Variants in MMP28 observed in about 807,000 individuals in gnomAD.
MMP28 encodes the protein matrix metallopeptidase 28, also known as matrix metalloproteinase-28.
In MMP28, 55 loss-of-function variants were observed where a neutral mutation model predicts 60.5. That is an observed-to-expected ratio of 0.91 (90% CI 0.73 to 1.14). The LOEUF is 1.14. MMP28 is among the 50% of genes most tolerant of loss of function. The pLI is 0.00. For missense variants in MMP28, 686 were observed against 738.3 expected, an observed-to-expected ratio of 0.93 and a Z score of 0.82; for synonymous variants, 318 against 312.5, an observed-to-expected ratio of 1.02 and a Z score of -0.18.
intron 5 of MMP28, 84 bp downstream of exon 5, chr17:35,769,983 C>T: frequency 6.9e-7 from 1 of 1,444,266 alleles, no homozygotes; most frequent in Non-Finnish European, 9.1e-7. Context: ...GATGGGAAAT[C>T]CTATTTGCAG....
chr17:35,766,718 CCACTT>C lies in MMP28; in HGVS notation c.1340_1344del (p.Gln447ArgfsTer16). On this transcript the variant is annotated frameshift_variant, in exon 8 of 8. Coordinates refer to ENST00000605424, the MANE Select transcript of MMP28 (RefSeq NM_024302.5). LOFTEE classifies it high-confidence loss of function. This position sits in a 1 kb window ranked among gnomAD's most constrained non-coding sequence, Gnocchi z 4.3. ...TGCAGACTTCGGGGGTAGTAGGGCT[CCACTT>C]GCAGTCCCCCTCGGGCCAGCACGTA... 1 of 1,601,510 alleles carries C rather than the reference CCACTT, an allele frequency of 6.2e-7. No individual in the cohort carries two copies. Among genetic ancestry groups the C allele is most frequent in the Non-Finnish European group, 8.5e-7 (1 of 1,174,672 alleles).
chr17:35,760,830 C>T (rs1041416851), intron 2 of MMP28: 1 of 1,310,544 alleles, frequency 7.6e-7, no homozygotes, highest in Admixed American at 1.9e-5. Flanking sequence ...TCTAGCCCCA[C>T]CCCTTGTGAC....
At chr17:35,779,099 G>T in intron 2 of MMP28, 24 bp from the exon 3 acceptor site, 3 of 1,609,856 alleles carry the variant, frequency 1.9e-6, no homozygotes, top group Non-Finnish European at 2.5e-6. Context: ...AGGACCGCAA[G>T]GGGAGGGTGA....
intron 1 of MMP28, among the ~76,000 whole-genome samples, chr17:35,789,420 T>G (rs2086745656): frequency 6.6e-6 from 1 of 152,248 alleles, no homozygotes; most frequent in Admixed American, 6.5e-5. Context: ...TTATTATTTC[T>G]TTCTTTCCTG....
intron 3 of MMP28, 194 bp downstream of exon 3, chr17:35,778,694 G>T (rs2086403921): frequency 7.9e-7 from 1 of 1,263,242 alleles, no homozygotes. Context: ...CATCAATGTA[G>T]GTGTCATTCT....
intron 1 of MMP28, among the ~76,000 whole-genome samples, chr17:35,794,161 G>A (rs1439652508): frequency 6.6e-6 from 1 of 151,712 alleles, no homozygotes; most frequent in South Asian, 2.1e-4. Context: ...GACCCTGGCC[G>A]TATTCTTGAG....
Position 35,768,311 on chromosome 17 carries a change from C to T in MMP28, c.919G>A (p.Asp307Asn). The T allele has an allele frequency of 6.2e-7, 1 of 1,613,432 alleles. No individual in the cohort carries two copies. Among genetic ancestry groups the T allele is most frequent in the South Asian group, 1.1e-5 (1 of 91,060 alleles). The change falls in exon 6 of 8, where the codon GAC becomes AAC. Residue 307 changes from aspartate to asparagine, a missense_variant. Physicochemically the swap from Asp to Asn is conservative, Grantham distance 23. Coordinates refer to ENST00000605424, the MANE Select transcript of MMP28 (RefSeq NM_024302.5). ...GKLFTDFETW[D>N]SYSPQGRRPE... is the part of the protein sequence containing the mutation. Reference sequence around the variant, plus strand: ...CGCCTTCCTTGGGGGCTGTAGGAGTCCCAGGTCTCAAAGTCAGTGAACAGC... The same window carrying T: ...CGCCTTCCTTGGGGGCTGTAGGAGTTCCAGGTCTCAAAGTCAGTGAACAGC...
downstream of MMP28, among the ~76,000 whole-genome samples, chr17:35,761,743 G>A (rs1555601551): frequency 1.3e-5 from 2 of 152,200 alleles, no homozygotes; most frequent in African/African-American, 4.8e-5. Context: ...CTACAAGAAT[G>A]TTCAGCGGCT....
At chr17:35,767,164 C>G (rs2085973144) in intron 7 of MMP28, 1 of 680,798 alleles carries the variant, frequency 1.5e-6, no homozygotes, top group Non-Finnish European at 2.7e-6. Context: ...CCACTGCCAT[C>G]ATTACTAATA....
intron 1 of MMP28, among the ~76,000 whole-genome samples, chr17:35,786,059 T>G (rs2086638970): frequency 6.8e-6 from 1 of 147,668 alleles, no homozygotes; most frequent in Admixed American, 6.7e-5. Flanking sequence ...CCTTCTTGTT[T>G]TTTTTTTTTT....
In MMP28 at chr17:35,768,378, C is replaced by T; in HGVS notation, c.852G>A (p.Gly284=). 1.3e-6 allele frequency: 2 copies of T among 1,597,112 alleles called. No individual in the cohort carries two copies. Among genetic ancestry groups the T allele is most frequent in the Non-Finnish European group, 1.7e-6 (2 of 1,173,656 alleles). ...DDVLAVQSLY[G]KPLGGSVAVQ... is the part of the protein sequence containing the mutation. ...CGGCCACTGAGCCCCCTAGGGGCTT[C>T]CCTTTGTGAGTAAGGAAATAAGAGA... Residue 284 remains glycine (G), a splice_region_variant and synonymous_variant, in exon 6 of 8, where the codon GGG becomes GGA. Coordinates refer to ENST00000605424, the MANE Select transcript of MMP28 (RefSeq NM_024302.5).
intron 1 of MMP28, among the ~76,000 whole-genome samples, chr17:35,783,216 C>T (rs1286963495): frequency 1.3e-5 from 2 of 152,182 alleles, no homozygotes; most frequent in Non-Finnish European, 2.9e-5. Flanking sequence ...TCTTATTCAG[C>T]GTTCTCAGAA....
In MMP28 at chr17:35,795,541, G is replaced by A; in HGVS notation, c.-164C>T. On this transcript the variant is annotated 5_prime_UTR_variant, in exon 1 of 8. Transcript: ENST00000605424. ...CCAGTGCCCTAGCTGCGCGCTCTGG[G>A]CCGCTCCTCCGCTGCCCTTCGCCGG... 2 of 436,626 alleles carry A rather than the reference G, an allele frequency of 4.6e-6. No homozygotes were observed. Among genetic ancestry groups the A allele is most frequent in the Non-Finnish European group, 7.7e-6 (2 of 259,242 alleles). 27.0% of individuals were successfully genotyped at this position (436,626 alleles called of 1,614,324 possible).
rs919211337 is a variant in MMP28, at chr17:35,773,381, G to T, written c.403C>A (p.Leu135Ile). 1 of 1,604,378 alleles carries T rather than the reference G, an allele frequency of 6.2e-7. No homozygotes were observed. The highest frequency in any genetic ancestry group is 8.5e-7 in the Non-Finnish European group (1 of 1,175,474). ...KQGNKWYKQH[L>I]SYRLVNWPEH... ...GGCCAGTTCACCAGGCGGTAGGAGA[G>T]GTGCTGCTTGTACCATTTGTTACCT... is the stretch of plus-strand genomic sequence containing the variant. Residue 135 changes from leucine to isoleucine, a missense_variant, in exon 4 of 8, where the codon CTC becomes ATC. By Grantham distance (5) the Leu-to-Ile change is conservative. Transcript: ENST00000605424.
intron 1 of MMP28, among the ~76,000 whole-genome samples, chr17:35,782,986 C>T (rs1045848039): frequency 5.9e-5 from 9 of 152,242 alleles, no homozygotes; most frequent in African/African-American, 2.2e-4. Flanking sequence ...GCCACGATGC[C>T]CGGCTAATTT....
intron 2 of MMP28, chr17:35,760,813 G>A (rs1555601353): frequency 4.2e-5 from 45 of 1,078,236 alleles, no homozygotes; most frequent in Non-Finnish European, 6.3e-5. Context: ...TTATGGGCAG[G>A]TGAGGTTCTA....
intron 5 of MMP28, 55 bp from the exon 6 acceptor site, chr17:35,768,434 G>A: frequency 2.1e-6 from 3 of 1,423,268 alleles, no homozygotes; most frequent in Non-Finnish European, 2.8e-6. Flanking sequence ...TAGAGGGTAT[G>A]CTGTGCACTC....
At chr17:35,792,100 T>G (rs2086830121) in intron 1 of MMP28, among the ~76,000 whole-genome samples, 1 of 152,118 alleles carries the variant, frequency 6.6e-6, no homozygotes, top group Non-Finnish European at 1.5e-5. Context: ...GTTTTCCTTC[T>G]GTGGATGGTT....
intron 1 of MMP28, among the ~76,000 whole-genome samples, chr17:35,790,890 G>GTTT (rs75405121): frequency 4.3e-5 from 5 of 117,060 alleles, no homozygotes; most frequent in African/African-American, 1.4e-4. Context: ...ATGTATTAAT[G>GTTT]TTTTTTTTTT....
Sources: allele counts gnomAD v4.1 joint callset (sites outside exome capture counted in the v4.1 genomes callset), GRCh38; gene constraint gnomAD v4.1.1; non-coding constraint Gnocchi (gnomAD v3.1); transcripts MANE v1.5; gene names NCBI Gene and HGNC (gene_info 2026-07-23, HGNC 2026-07-21).